SORCS3: variants seen among roughly 807,000 people sequenced by gnomAD.
SORCS3 encodes the protein VPS10 domain-containing receptor SorCS3.
In SORCS3, 57 loss-of-function variants were observed where a neutral mutation model predicts 146.3. The ratio of observed to expected loss-of-function variants is 0.39; its 90% confidence interval spans 0.31 to 0.49. The LOEUF is 0.49. Among genes scored for constraint, SORCS3 ranks in the 20% least tolerant of loss-of-function variants. The probability of loss-of-function intolerance (pLI) is 0.92; values close to 1 mark genes in which losing one functional copy is unlikely to be tolerated. For missense variants in SORCS3, 1,341 were observed against 1,575.5 expected (o/e 0.85, Z 2.52); for synonymous variants, 653 against 618.5 (o/e 1.06, Z -0.83).
At chr10:104,726,587 G>A (rs1456606995) in intron 1 of SORCS3, among the ~76,000 whole-genome samples, 1 of 151,754 alleles carries the variant, frequency 6.6e-6, no homozygotes, top group Non-Finnish European at 1.5e-5. Context: ...CGACCCCCAG[G>A]GGGCTCTCCG....
intron 3 of SORCS3, among the ~76,000 whole-genome samples, chr10:104,947,685 C>T (rs1190020534): frequency 6.6e-6 from 1 of 152,136 alleles, no homozygotes; most frequent in Non-Finnish European, 1.5e-5. Context: ...TGCAGTGGCG[C>T]AATCTTGGCT....
intron 2 of SORCS3, among the ~76,000 whole-genome samples, chr10:104,863,667 C>T (rs2491380): frequency 0.12 from 18,780 of 152,100 alleles, 1,974 homozygotes; most frequent in African/African-American, 0.3. Context: ...TGAAAGCCTG[C>T]CTGGGTCTAG....
intron 3 of SORCS3, among the ~76,000 whole-genome samples, chr10:104,943,648 C>T (rs73342180): frequency 0.11 from 17,231 of 152,108 alleles, 1,553 homozygotes; most frequent in African/African-American, 0.26. Flanking sequence ...CCCCCACTCT[C>T]ATCTATTGAT....
At chr10:105,137,248 G>A (rs1169970326) in intron 7 of SORCS3, among the ~76,000 whole-genome samples, 1 of 152,116 alleles carries the variant, frequency 6.6e-6, no homozygotes, top group African/African-American at 2.4e-5. Context: ...TCCCATGAAT[G>A]TGTTTGGTTC....
intron 5 of SORCS3, among the ~76,000 whole-genome samples, chr10:105,050,743 T>C (rs1160899653): frequency 6.6e-6 from 1 of 152,156 alleles, no homozygotes; most frequent in East Asian, 1.9e-4. Flanking sequence ...CACAGAATTA[T>C]TAAGAGATAA....
chr10:105,186,704 G>A (rs2056479148), intron 14 of SORCS3, among the ~76,000 whole-genome samples: 1 of 151,856 alleles, frequency 6.6e-6, no homozygotes, highest in Non-Finnish European at 1.5e-5. Flanking sequence ...CCAACATAGT[G>A]AAACCCCGTC....
At position 104,818,866 on chromosome 10, in the gene SORCS3, T is replaced by A. The variant is rs975642610; in HGVS notation, c.628-23926T>A. Among the ~76,000 whole-genome samples the A allele has an allele frequency of 3.9e-5, 6 of 152,276 alleles. No homozygotes were observed. The South Asian group carries it at 1.2e-3, about 32-fold the overall frequency. ...GAGTGCACTTCTCAGTGGGCCTAGC[T>A]AAGTACGGCATGCATGACCGTGTGG... On this transcript the variant is annotated intron_variant, in intron 1 of 26. Transcript: ENST00000369701.
intron 1 of SORCS3, among the ~76,000 whole-genome samples, chr10:104,720,805 C>G (rs1286766598): frequency 6.6e-6 from 1 of 152,132 alleles, no homozygotes; most frequent in Non-Finnish European, 1.5e-5. Flanking sequence ...TATCCTTTGC[C>G]CACTTGTTGA....
At chr10:105,189,778 A>C (rs1016371518) in intron 14 of SORCS3, among the ~76,000 whole-genome samples, 2 of 152,174 alleles carry the variant, frequency 1.3e-5, no homozygotes, top group Admixed American at 1.3e-4. Flanking sequence ...GGTTGGTCAG[A>C]AGCTCATCCA....
intron 18 of SORCS3, among the ~76,000 whole-genome samples, chr10:105,216,045 G>T (rs763588532): frequency 1.5e-4 from 23 of 152,040 alleles, no homozygotes; most frequent in Admixed American, 4.6e-4. Context: ...CTAAGTGTTG[G>T]CTTGGGGTGG....
chr10:105,252,730 G>A (rs1245159375), intron 22 of SORCS3, 45 bp from the exon 23 acceptor site: 2 of 1,612,156 alleles, frequency 1.2e-6, no homozygotes, highest in Admixed American at 3.3e-5. Context: ...GATTTGGGGA[G>A]GGCTGGCTCC....
At chr10:104,979,756 A>T (rs912712439) in intron 4 of SORCS3, among the ~76,000 whole-genome samples, 13 of 152,204 alleles carry the variant, frequency 8.5e-5, no homozygotes, top group Admixed American at 2.0e-4. Context: ...TCATGGCATC[A>T]AGTGGATATT....
At chr10:105,105,702 A>G (rs944566823) in intron 7 of SORCS3, among the ~76,000 whole-genome samples, 187 bp downstream of exon 7, 1 of 152,188 alleles carries the variant, frequency 6.6e-6, no homozygotes, top group African/African-American at 2.4e-5. Flanking sequence ...GATGCACTGA[A>G]TCCTTCCATT....
At chr10:105,110,568 A>G (rs1452194309) in intron 7 of SORCS3, among the ~76,000 whole-genome samples, 1 of 152,128 alleles carries the variant, frequency 6.6e-6, no homozygotes, top group Non-Finnish European at 1.5e-5. Flanking sequence ...CAGCTTAACA[A>G]GAATCCTTCT....
In SORCS3 at chr10:105,246,428, A is replaced by G. The variant is rs549317059; in HGVS notation, c.2992+763A>G. On this transcript the variant is annotated intron_variant, in intron 21 of 26. Transcript: ENST00000369701. ...TCTTCATTTCTTCTTTTTTTTATGT[A>G]TTATACTTTAAGTTTTAGGGTACAT... Among the ~76,000 whole-genome samples, 9 of 150,370 alleles carry G rather than the reference A, an allele frequency of 6.0e-5. No individual in the cohort carries two copies. The South Asian group carries it at 1.9e-3, about 32-fold the overall frequency.
intron 3 of SORCS3, among the ~76,000 whole-genome samples, chr10:104,963,006 A>T (rs980329613): frequency 6.6e-6 from 1 of 152,336 alleles, no homozygotes; most frequent in East Asian, 1.9e-4. Flanking sequence ...AAAGTATTTG[A>T]ATTCATTTTA....
intron 2 of SORCS3, among the ~76,000 whole-genome samples, chr10:104,905,736 C>T (rs1225271208): frequency 6.6e-6 from 1 of 152,130 alleles, no homozygotes; most frequent in East Asian, 1.9e-4. Context: ...ACGATGCTCT[C>T]TGAGAGTGAC....
intron 5 of SORCS3, among the ~76,000 whole-genome samples, chr10:105,047,551 T>G (rs2055381723): frequency 6.6e-6 from 1 of 152,100 alleles, no homozygotes; most frequent in South Asian, 2.1e-4. Flanking sequence ...ATATTTGGAT[T>G]GCAACATGGA....
chr10:105,031,247 C>T (rs965301223), intron 4 of SORCS3, among the ~76,000 whole-genome samples: 6 of 151,372 alleles, frequency 4.0e-5, no homozygotes, highest in Non-Finnish European at 7.4e-5. Context: ...TGCAGTGAGC[C>T]GAGATCACGC....
Sources: allele counts gnomAD v4.1 joint callset (sites outside exome capture counted in the v4.1 genomes callset), GRCh38; gene constraint gnomAD v4.1.1; transcripts MANE v1.5; gene names NCBI Gene and HGNC (gene_info 2026-07-23, HGNC 2026-07-21).